TENM4: variants seen among roughly 807,000 people sequenced by gnomAD.
The protein encoded by TENM4 is teneurin-4.
In TENM4, 82 loss-of-function variants were observed where a neutral mutation model predicts 243.3. That is an observed-to-expected ratio of 0.34 (90% CI 0.28 to 0.40). The LOEUF is 0.40. TENM4 is among the 10% of genes least tolerant of loss of function. The probability of loss-of-function intolerance (pLI) is 1.00; values close to 1 mark genes in which losing one functional copy is unlikely to be tolerated. For missense variants in TENM4, 3,138 were observed against 3,673.3 expected, an observed-to-expected ratio of 0.85 and a Z score of 3.77; for synonymous variants, 1,412 against 1,456.3, an observed-to-expected ratio of 0.97 and a Z score of 0.69.
intron 1 of TENM4, among the ~76,000 whole-genome samples, chr11:79,336,509 C>A (rs994984899): frequency 6.6e-6 from 1 of 152,110 alleles, no homozygotes; most frequent in Admixed American, 6.5e-5. Flanking sequence ...CAGAAAGAAT[C>A]GGCTGGTTAT....
chr11:79,232,165 G>C (rs904832056), intron 2 of TENM4, among the ~76,000 whole-genome samples: 1 of 152,224 alleles, frequency 6.6e-6, no homozygotes, highest in Non-Finnish European at 1.5e-5. Flanking sequence ...GGAAGTTACT[G>C]GTCCAAGGTC....
At chr11:79,338,105 T>A (rs1308208057) in intron 1 of TENM4, among the ~76,000 whole-genome samples, 1 of 152,234 alleles carries the variant, frequency 6.6e-6, no homozygotes, top group Admixed American at 6.5e-5. Context: ...CATGCCAGCT[T>A]GGTGACTGCT....
At chr11:78,805,655 G>C (rs943743820) in intron 14 of TENM4, among the ~76,000 whole-genome samples, 163 bp from the exon 15 acceptor site, 19 of 152,198 alleles carry the variant, frequency 1.2e-4, no homozygotes, top group African/African-American at 4.1e-4. Context: ...GCAAATGGCA[G>C]ACCTGGCTTC....
intron 32 of TENM4, among the ~76,000 whole-genome samples, chr11:78,665,211 A>T (rs1459686222): frequency 3.5e-3 from 352 of 101,630 alleles, no homozygotes; most frequent in South Asian, 6.4e-3. Flanking sequence ...TTTCCTTTTT[A>T]TTTTCTTTTT....
At chr11:79,007,848 C>T (rs932309573) in intron 6 of TENM4, among the ~76,000 whole-genome samples, 67 of 152,188 alleles carry the variant, frequency 4.4e-4, no homozygotes, top group African/African-American at 1.5e-3. Flanking sequence ...ACTGCACACT[C>T]GGCACAGGCC....
intron 6 of TENM4, among the ~76,000 whole-genome samples, chr11:79,050,835 C>T (rs1041644224): frequency 6.6e-6 from 1 of 152,216 alleles, no homozygotes; most frequent in Non-Finnish European, 1.5e-5. Context: ...AAGGATCCTT[C>T]TCACAGAGCA....
intron 6 of TENM4, among the ~76,000 whole-genome samples, chr11:78,991,414 G>T (rs1041881875): frequency 2.6e-5 from 4 of 152,162 alleles, no homozygotes; most frequent in African/African-American, 9.7e-5. Flanking sequence ...AGAAAGGCAG[G>T]ATGGTAGCAA....
intron 4 of TENM4, among the ~76,000 whole-genome samples, chr11:79,100,690 C>T (rs1034342768): frequency 6.6e-6 from 1 of 152,116 alleles, no homozygotes; most frequent in East Asian, 1.9e-4. Flanking sequence ...CTGTGCCAGT[C>T]CCCCTCCAGT....
At chr11:79,039,189 CA>C (rs926003718) in intron 6 of TENM4, among the ~76,000 whole-genome samples, 2 of 152,050 alleles carry the variant, frequency 1.3e-5, no homozygotes, top group African/African-American at 4.8e-5. Flanking sequence ...GGTGAAGAAA[CA>C]ACCCTTAAGC....
chr11:78,947,743 C>T (rs1469203454), intron 6 of TENM4, among the ~76,000 whole-genome samples: 1 of 152,078 alleles, frequency 6.6e-6, no homozygotes, highest in African/African-American at 2.4e-5. Context: ...GTTGTCCTGC[C>T]TCGGCACAGA....
chr11:79,158,545 TTGACTG>T (rs1419169441), intron 3 of TENM4, among the ~76,000 whole-genome samples: 1 of 152,160 alleles, frequency 6.6e-6, no homozygotes, highest in East Asian at 1.9e-4. Flanking sequence ...TCTTGACATA[TTGACTG>T]TGACACTGTA....
intron 6 of TENM4, among the ~76,000 whole-genome samples, chr11:79,030,708 A>G (rs552690777): frequency 3.3e-5 from 5 of 152,186 alleles, no homozygotes; most frequent in African/African-American, 1.2e-4. Flanking sequence ...GGAAGGAGTG[A>G]TCCTTCTTAC....
intron 6 of TENM4, among the ~76,000 whole-genome samples, chr11:79,031,525 G>C (rs1859236746): frequency 6.6e-6 from 1 of 152,218 alleles, no homozygotes; most frequent in Non-Finnish European, 1.5e-5. Flanking sequence ...TGGTAGGGTA[G>C]AGAGCTCACC....
intron 1 of TENM4, among the ~76,000 whole-genome samples, chr11:79,361,707 C>T (rs1324260212): frequency 6.6e-6 from 1 of 151,936 alleles, no homozygotes; most frequent in Non-Finnish European, 1.5e-5. Flanking sequence ...GTTGCTTTTC[C>T]AGATAGCAAG....
At chr11:78,864,429 G>A (rs1282414782) in intron 9 of TENM4, among the ~76,000 whole-genome samples, 5 of 64,874 alleles carry the variant, frequency 7.7e-5, no homozygotes, top group East Asian at 8.1e-4. Flanking sequence ...GCGAGACTCC[G>A]TCTCAAAAAA....
chr11:79,083,967 A>ATG (rs138997875), intron 4 of TENM4, among the ~76,000 whole-genome samples: 8,278 of 151,690 alleles, frequency 0.055, 304 homozygotes, highest in East Asian at 0.17. Flanking sequence ...ATATATATAT[A>ATG]TGTGTGTGTG....
chr11:79,243,399 T>C (rs1004703608), intron 2 of TENM4, among the ~76,000 whole-genome samples: 3 of 152,182 alleles, frequency 2.0e-5, no homozygotes. Flanking sequence ...TTTCTGAATT[T>C]GTGCTATAAA....
At chr11:79,167,800 C>T (rs1862948394) in intron 3 of TENM4, among the ~76,000 whole-genome samples, 1 of 152,152 alleles carries the variant, frequency 6.6e-6, no homozygotes, top group Non-Finnish European at 1.5e-5. Flanking sequence ...GTCTATCTGA[C>T]CCTCCCCTCT....
At chr11:79,338,804 A>T (rs1410703673) in intron 1 of TENM4, among the ~76,000 whole-genome samples, 2 of 152,206 alleles carry the variant, frequency 1.3e-5, no homozygotes, top group Non-Finnish European at 2.9e-5. Flanking sequence ...TGAACCTTGG[A>T]CAAGTCACAC....
Sources: gnomAD v4.1 joint callset for allele counts (sites outside exome capture counted in the v4.1 genomes callset) on GRCh38, gnomAD v4.1.1 for gene constraint, MANE v1.5 for transcripts, NCBI Gene and HGNC (gene_info 2026-07-23, HGNC 2026-07-21) for gene names.